The following PBX1 variants were observed in gnomAD, a reference collection of about 807,000 sequenced individuals.
PBX1 encodes the protein PBX homeobox 1.
Under a neutral mutation model 53.4 loss-of-function variants are expected in PBX1, and 6 were observed. The observed-to-expected ratio is 0.11, with a 90% CI of 0.06 to 0.22. The LOEUF (loss-of-function observed/expected upper bound fraction) is 0.22, where lower values mean the gene tolerates loss of function less well. Ranked by LOEUF, PBX1 falls within the 10% of genes least tolerant of loss-of-function variation. The pLI is 1.00. For missense variants in PBX1, 251 were observed against 551.4 expected (o/e 0.46, Z 5.46); for synonymous variants, 204 against 212.3 (o/e 0.96, Z 0.34).
chr1:164,869,311 C>T (rs1318989957), intron 2 of PBX1, among the ~76,000 whole-genome samples: 2 of 152,190 alleles, frequency 1.3e-5, no homozygotes, highest in African/African-American at 4.8e-5. Context: ...GATCCATCTG[C>T]CTGTTTCTGC....
chr1:164,672,352 C>G (rs1661168212), intron 2 of PBX1, among the ~76,000 whole-genome samples: 2 of 152,198 alleles, frequency 1.3e-5, no homozygotes, highest in African/African-American at 4.8e-5. Flanking sequence ...CTGCCTCTGT[C>G]TCTGAACCTT....
chr1:164,739,005 T>C lies in PBX1; in HGVS notation c.266-53489T>C, dbSNP rs1054027227. Among the ~76,000 whole-genome samples the C allele has an allele frequency of 2.6e-5, 4 of 152,292 alleles. No homozygotes were observed. The South Asian group carries it at 8.3e-4, about 32-fold the overall frequency. ...TAACTATTTAGTTGTTTCTAGTTGG[T>C]GTGATGGCTTATTTCATGATATGTT... On this transcript the variant is annotated intron_variant, in intron 2 of 8. Transcript: ENST00000420696.
intron 2 of PBX1, among the ~76,000 whole-genome samples, chr1:164,658,935 A>G (rs1427228644): frequency 6.6e-6 from 1 of 152,184 alleles, no homozygotes; most frequent in Non-Finnish European, 1.5e-5. Context: ...CAGTTATTAA[A>G]TGACAGAGCC....
At chr1:164,856,633 T>C (rs2102437516), downstream of PBX1, among the ~76,000 whole-genome samples, 1 of 152,218 alleles carries the variant, frequency 6.6e-6, no homozygotes, top group South Asian at 2.1e-4. Context: ...CCAGGAGCCC[T>C]CCCTTAGAGC....
At chr1:164,560,210 C>T in intron 1 of PBX1, 197 bp downstream of exon 1, 1 of 508,320 alleles carries the variant, frequency 2.0e-6, no homozygotes, top group Non-Finnish European at 3.5e-6. Context: ...TCGCCCATGC[C>T]GAGATGTGGC....
intron 2 of PBX1, among the ~76,000 whole-genome samples, chr1:164,883,894 G>A (rs1672719852): frequency 6.6e-6 from 1 of 152,164 alleles, no homozygotes; most frequent in African/African-American, 2.4e-5. Flanking sequence ...ACAAAAAAGA[G>A]GACAGGTGTC....
intron 8 of PBX1, among the ~76,000 whole-genome samples, chr1:164,822,448 C>T (rs1404881537): frequency 3.3e-5 from 5 of 152,016 alleles, no homozygotes; most frequent in African/African-American, 9.7e-5. Flanking sequence ...GGGTAGTGAT[C>T]ATTTTTTATT....
intron 2 of PBX1, among the ~76,000 whole-genome samples, chr1:164,621,488 G>A (rs1194660917): frequency 1.3e-5 from 2 of 152,142 alleles, no homozygotes; most frequent in Non-Finnish European, 2.9e-5. Flanking sequence ...GATGGGATAC[G>A]GACTGGTTTA....
intron 2 of PBX1, among the ~76,000 whole-genome samples, chr1:164,675,570 A>G (rs1661384545): frequency 6.6e-6 from 1 of 152,050 alleles, no homozygotes; most frequent in African/African-American, 2.4e-5. Flanking sequence ...TTTCATCAGT[A>G]AGGGGCATCA....
intron 2 of PBX1, among the ~76,000 whole-genome samples, chr1:164,599,149 C>A (rs1181619200): frequency 7.5e-6 from 1 of 132,794 alleles, no homozygotes; most frequent in Non-Finnish European, 1.5e-5. Context: ...TTTTCATTCT[C>A]TCCCAATAGA....
intron 2 of PBX1, chr1:164,682,035 C>T (rs1281696302): frequency 6.6e-6 from 1 of 152,144 alleles, no homozygotes; most frequent in Non-Finnish European, 1.5e-5. Flanking sequence ...GTAGTGTATG[C>T]TGTAAGTACT....
intron 8 of PBX1, among the ~76,000 whole-genome samples, chr1:164,831,854 A>T (rs1670784348): frequency 6.6e-6 from 1 of 152,138 alleles, no homozygotes; most frequent in Non-Finnish European, 1.5e-5. Context: ...TCCTATCCTC[A>T]GTCCCTCATT....
chr1:164,811,737 A>C (rs1669623534), intron 5 of PBX1, among the ~76,000 whole-genome samples: 1 of 152,230 alleles, frequency 6.6e-6, no homozygotes, highest in Admixed American at 6.5e-5. Context: ...TTAAATGAGC[A>C]GCTCCTTTAT....
intron 2 of PBX1, among the ~76,000 whole-genome samples, chr1:164,760,918 G>A (rs1305755420): frequency 6.6e-6 from 1 of 152,138 alleles, no homozygotes; most frequent in Non-Finnish European, 1.5e-5. Flanking sequence ...TTGCACTCAC[G>A]TTTGGAGCCA....
At chr1:164,861,177 C>G (rs924121431) in intron 2 of PBX1, among the ~76,000 whole-genome samples, 4 of 151,744 alleles carry the variant, frequency 2.6e-5, no homozygotes, top group Non-Finnish European at 5.9e-5. Context: ...CTCCTTTCTC[C>G]CTAAAGGGAG....
At chr1:164,587,172 A>G (rs1284439992) in intron 2 of PBX1, among the ~76,000 whole-genome samples, 3 of 152,154 alleles carry the variant, frequency 2.0e-5, no homozygotes, top group Non-Finnish European at 4.4e-5. Flanking sequence ...TTCAGGTAAG[A>G]TGTACTGCTA....
chr1:164,607,521 T>A lies in PBX1; in HGVS notation c.265+44210T>A, dbSNP rs192779806. Among the ~76,000 whole-genome samples, 5 of 151,956 alleles carry A rather than the reference T, an allele frequency of 3.3e-5. No individual in the cohort carries two copies. In the East Asian group the frequency reaches 9.7e-4, roughly 29 times the overall value. On this transcript the variant is annotated intron_variant, in intron 2 of 8. Transcript: ENST00000420696. ...AGGTTAGAAGGAGAGAGTTGACGAG[T>A]TAGATTTTGAGTAGCCTGTAGGATA...
chr1:164,724,307 CT>C (rs1664565505), intron 2 of PBX1, among the ~76,000 whole-genome samples: 1 of 152,184 alleles, frequency 6.6e-6, no homozygotes, highest in Admixed American at 6.6e-5. Flanking sequence ...CTTTCTCTTT[CT>C]CCCTCTCTCA....
At chr1:164,698,972 A>C (rs1381184135) in intron 2 of PBX1, among the ~76,000 whole-genome samples, 1 of 152,244 alleles carries the variant, frequency 6.6e-6, no homozygotes, top group Non-Finnish European at 1.5e-5. Context: ...ACCACAGCCC[A>C]TGCTATCAGC....
Sources: allele counts gnomAD v4.1 joint callset (sites outside exome capture counted in the v4.1 genomes callset), GRCh38; gene constraint gnomAD v4.1.1; transcripts MANE v1.5; gene names NCBI Gene and HGNC (gene_info 2026-07-23, HGNC 2026-07-21).